Variants in ADGRL3 observed in about 807,000 individuals in gnomAD.
ADGRL3 encodes the protein adhesion G protein-coupled receptor L3, also known as calcium-independent alpha-latrotoxin receptor 3.
ADGRL3 carries 62 observed loss-of-function variants against 153.5 expected under a neutral mutation model. The ratio of observed to expected loss-of-function variants is 0.40; its 90% CI spans 0.33 to 0.50. The LOEUF (loss-of-function observed/expected upper bound fraction) is 0.50. ADGRL3 is among the 20% of genes least tolerant of loss of function. ADGRL3 has a pLI of 0.47. For missense variants in ADGRL3, 1,641 were observed against 1,859.4 expected (o/e 0.88, Z 2.16); for synonymous variants, 710 against 672.5 (o/e 1.06, Z -0.86).
At chr4:61,483,370 G>A (rs1025771413) in intron 2 of ADGRL3, among the ~76,000 whole-genome samples, 8 of 152,112 alleles carry the variant, frequency 5.3e-5, no homozygotes, top group South Asian at 2.1e-4. Context: ...TATACAAAAT[G>A]TATATACATA....
At chr4:61,330,204 G>A (rs1275779606) in intron 1 of ADGRL3, among the ~76,000 whole-genome samples, 1 of 152,100 alleles carries the variant, frequency 6.6e-6, no homozygotes, top group Non-Finnish European at 1.5e-5. Flanking sequence ...TACTTGACTG[G>A]GATATGGGAT....
chr4:61,544,256 T>TC (rs1560814988), intron 4 of ADGRL3, among the ~76,000 whole-genome samples: 1 of 152,244 alleles, frequency 6.6e-6, no homozygotes, highest in Non-Finnish European at 1.5e-5. Context: ...AGTTTTCTGA[T>TC]ATTTTTTATA....
chr4:61,291,616 A>G (rs1461101394), intron 1 of ADGRL3, among the ~76,000 whole-genome samples: 18 of 19,798 alleles, frequency 9.1e-4, no homozygotes, highest in African/African-American at 1.6e-3. Context: ...ACACACATAT[A>G]TATATATATA....
intron 8 of ADGRL3, 72 bp from the exon 9 acceptor site, chr4:61,813,737 T>C: frequency 5.1e-6 from 8 of 1,558,430 alleles, no homozygotes; most frequent in Non-Finnish European, 7.0e-6. Context: ...TAGTGTTATA[T>C]CATAAAAACA....
At chr4:61,658,970 A>C (rs1414560784) in intron 5 of ADGRL3, among the ~76,000 whole-genome samples, 1 of 152,190 alleles carries the variant, frequency 6.6e-6, no homozygotes, top group East Asian at 1.9e-4. Context: ...CTAAGGTATC[A>C]GCAAGATACT....
At chr4:61,637,045 A>G (rs1465348661) in intron 5 of ADGRL3, among the ~76,000 whole-genome samples, 1 of 152,170 alleles carries the variant, frequency 6.6e-6, no homozygotes, top group African/African-American at 2.4e-5. Context: ...AAAGGTACAT[A>G]TAACAATATT....
chr4:61,333,038 C>G (rs577897524), intron 1 of ADGRL3, among the ~76,000 whole-genome samples: 1 of 151,922 alleles, frequency 6.6e-6, no homozygotes. Flanking sequence ...GTGTGTATGC[C>G]TGTCTTAACT....
chr4:61,200,501 G>GCGCCGCCGCCGC lies in ADGRL3; in HGVS notation c.-1491_-1480dup, dbSNP rs35918477. 0.033 allele frequency among the ~76,000 whole-genome samples: 4,941 copies of GCGCCGCCGCCGC among 150,358 alleles called. 286 individuals carry two copies. Among genetic ancestry groups the GCGCCGCCGCCGC allele is most frequent in the African/African-American group, 0.11 (4,628 of 40,868 alleles). On this transcript the variant is annotated 5_prime_UTR_variant, in exon 1 of 27. Coordinates refer to ENST00000683033, the MANE Select transcript of ADGRL3 (RefSeq NM_001387552.1). ...CAGATGCTGCAGCTGGTCGGGGTGG[G>GCGCCGCCGCCGC]CGCCGCCGCCGCCGCCGCCGCCGCT...
intron 4 of ADGRL3, among the ~76,000 whole-genome samples, chr4:61,546,077 CT>C (rs2098712600): frequency 6.6e-6 from 1 of 152,114 alleles, no homozygotes; most frequent in Non-Finnish European, 1.5e-5. Context: ...TTTCCAGTAG[CT>C]TCTGGCTAGT....
At chr4:62,006,025 TATATATA>T (rs1560495247) in intron 21 of ADGRL3, among the ~76,000 whole-genome samples, 51 of 102,614 alleles carry the variant, frequency 5.0e-4, no homozygotes, top group African/African-American at 1.7e-3. Flanking sequence ...TATATATATA[TATATATA>T]TTTTTTTTTT....
At chr4:61,466,421 A>G (rs2097885323) in intron 2 of ADGRL3, among the ~76,000 whole-genome samples, 1 of 152,222 alleles carries the variant, frequency 6.6e-6, no homozygotes, top group South Asian at 2.1e-4. Flanking sequence ...ATAGGTACCA[A>G]GAATAAAATG....
chr4:61,441,631 T>C (rs1002091800), intron 2 of ADGRL3, among the ~76,000 whole-genome samples: 2 of 152,018 alleles, frequency 1.3e-5, no homozygotes, highest in Non-Finnish European at 2.9e-5. Context: ...GCAATTCTCC[T>C]GCCTTAGCCT....
rs1441689475 is a variant in ADGRL3, at chr4:61,694,176, ATTATTTTTTTTTTTTTTTTTTTTTTT to A, written c.583+17244_583+17269del. 1.3e-4 allele frequency among the ~76,000 whole-genome samples: 12 copies of A among 94,702 alleles called. 1 individual carries two copies. The highest frequency in any genetic ancestry group is 8.6e-4 in the Admixed American group (8 of 9,330). The allele number at this position is 94,702 out of a possible 152,430, so 62.1% of individuals were successfully genotyped here. A position where few individuals can be genotyped will look rare whatever the true frequency, so the allele number is the denominator to read the frequency against. On this transcript the variant is annotated intron_variant, in intron 6 of 26. Transcript: ENST00000683033. Reference sequence around the variant, plus strand: ...TCCTATACTATTTTAAAATTTTGTCATTATTTTTTTTTTTTTTTTTTTTTTTTTTTTTTTTTTTTTTTTAGAGGCAG... The same window carrying A: ...TCCTATACTATTTTAAAATTTTGTCATTTTTTTTTTTTTTTTTAGAGGCAG...
chr4:61,696,642 A>G lies in ADGRL3; in HGVS notation c.583+19707A>G, dbSNP rs182588167. ...GCCTTCTATATGTATGATAGGTGAT[A>G]CATTCCCTAAGTTCCTTTTTTTTTA... On this transcript the variant is annotated intron_variant, in intron 6 of 26. Transcript: ENST00000683033. Among the ~76,000 whole-genome samples the G allele has an allele frequency of 7.4e-5, 11 of 148,916 alleles. No homozygotes were observed. The East Asian group carries it at 2.2e-3, about 29-fold the overall frequency.
intron 20 of ADGRL3, among the ~76,000 whole-genome samples, 160 bp from the exon 21 acceptor site, chr4:61,998,014 A>G (rs2099127719): frequency 6.6e-6 from 1 of 152,214 alleles, no homozygotes; most frequent in Admixed American, 6.5e-5. Context: ...AAACTGGCTT[A>G]TTGCCTTTAC....
Position 61,473,230 on chromosome 4 carries a change from T to C in ADGRL3, c.-173-23891T>C, listed in dbSNP as rs2097990540. On this transcript the variant is annotated intron_variant, in intron 2 of 26. Coordinates refer to ENST00000683033, the MANE Select transcript of ADGRL3 (RefSeq NM_001387552.1). ...GTGTTTGTGTGTGTGTGTGTGTGTG[T>C]GTGTGTGTGTGTGGTCTTTTTTTTA... Among the ~76,000 whole-genome samples, 3 of 150,856 alleles carry C rather than the reference T, an allele frequency of 2.0e-5. No individual in the cohort carries two copies. The South Asian group carries it at 6.3e-4, about 31-fold the overall frequency.
At chr4:62,065,454 T>G (rs894503681) in intron 25 of ADGRL3, among the ~76,000 whole-genome samples, 1 of 152,068 alleles carries the variant, frequency 6.6e-6, no homozygotes, top group African/African-American at 2.4e-5. Context: ...ATTTTGCTTT[T>G]TTCTTTGTTT....
At chr4:61,725,510 G>T (rs2096314184) in intron 6 of ADGRL3, among the ~76,000 whole-genome samples, 1 of 151,582 alleles carries the variant, frequency 6.6e-6, no homozygotes, top group Non-Finnish European at 1.5e-5. Flanking sequence ...CAGGAGAATG[G>T]TGTGAACCCG....
At chr4:61,734,857 T>C (rs2096488712) in intron 8 of ADGRL3, among the ~76,000 whole-genome samples, 1 of 152,346 alleles carries the variant, frequency 6.6e-6, no homozygotes, top group Admixed American at 6.5e-5. Context: ...TTTGTTTTGC[T>C]CAACTCCAAT....
Sources: gnomAD v4.1 joint callset for allele counts (sites outside exome capture counted in the v4.1 genomes callset) on GRCh38, gnomAD v4.1.1 for gene constraint, MANE v1.5 for transcripts, NCBI Gene and HGNC (gene_info 2026-07-23, HGNC 2026-07-21) for gene names.